Variants in RCC2 observed in about 807,000 individuals in gnomAD.
RCC2 encodes protein RCC2.
A neutral mutation model predicts 64.1 loss-of-function variants in RCC2; 19 were observed. That is an observed-to-expected ratio of 0.30 (90% CI 0.21 to 0.44). The LOEUF (loss-of-function observed/expected upper bound fraction) is 0.44. RCC2 is among the 20% of genes least tolerant of loss of function. The probability of loss-of-function intolerance (pLI) is 1.00; values close to 1 mark genes in which losing one functional copy is unlikely to be tolerated. For synonymous variants in RCC2, 325 were observed against 279.6 expected (o/e 1.16, Z -1.62); for missense variants, 508 against 710.4 (o/e 0.72, Z 3.24).
chr1:17,433,890 C>A (rs1482973872), intron 2 of RCC2, among the ~76,000 whole-genome samples: 1 of 152,174 alleles, frequency 6.6e-6, no homozygotes, highest in Non-Finnish European at 1.5e-5. Context: ...TAAGGGCCAT[C>A]AACTGAAACA....
chr1:17,430,488 C>CAA (rs370012940), intron 2 of RCC2, among the ~76,000 whole-genome samples: 4,056 of 128,632 alleles, frequency 0.032, 183 homozygotes, highest in African/African-American at 0.1. Flanking sequence ...GGCCTTGTCT[C>CAA]AAAAAAAAAA....
intron 2 of RCC2, among the ~76,000 whole-genome samples, chr1:17,430,583 C>T (rs2075665260): frequency 6.6e-6 from 1 of 151,854 alleles, no homozygotes; most frequent in South Asian, 2.1e-4. Flanking sequence ...GTCAGGAGTT[C>T]AAGACCAGCC....
At chr1:17,412,278 G>T in intron 10 of RCC2, 84 bp from the exon 11 acceptor site, 2 of 1,280,370 alleles carry the variant, frequency 1.6e-6, no homozygotes, top group Admixed American at 2.1e-5. Flanking sequence ...ATGAGTGTGA[G>T]CTGCCACTTT....
Position 17,438,501 on chromosome 1 carries a change from T to G in RCC2, c.14A>C (p.Lys5Thr), listed in dbSNP as rs1356433737. The G allele has an allele frequency of 1.7e-5, 23 of 1,345,822 alleles. No individual in the cohort carries two copies. The highest frequency in any genetic ancestry group is 6.0e-5 in the Admixed American group (2 of 33,310). The allele number at this position is 1,345,822 out of a possible 1,614,324, so 83.4% of individuals were successfully genotyped here. Residue 5 changes from lysine (K) to threonine (T), a missense_variant, in exon 2 of 13, where the codon AAG becomes ACG. By Grantham distance (78) the Lys-to-Thr change is moderately conservative (BLOSUM62 -1). Coordinates refer to ENST00000375436, the MANE Select transcript of RCC2 (RefSeq NM_018715.4). MPRK[K>T]AAAAAWEEPS... The stretch of plus-strand genomic sequence containing the variant: ...CTCCTCCCAGGCCGCCGCCGCCGCC[T>G]TCTTCCTGGGCATGGTCGCGGCTGG...
Position 17,417,808 on chromosome 1 carries a change from A to G in RCC2, c.860-1162T>C, listed in dbSNP as rs529852188. Among the ~76,000 whole-genome samples the G allele has an allele frequency of 2.0e-5, 3 of 152,278 alleles. No homozygotes were observed. In the East Asian group the frequency reaches 5.8e-4, roughly 29 times the overall value. The stretch of plus-strand genomic sequence containing the variant: ...GCCCTTATTGGTATGTGTGTTTTTG[A>G]GCACTGTGCTATTTAAATACAGTCA... On this transcript the variant is annotated intron_variant, in intron 7 of 12. Coordinates refer to ENST00000375436, the MANE Select transcript of RCC2 (RefSeq NM_018715.4).
chr1:17,416,388 TC>T, intron 8 of RCC2, 91 bp downstream of exon 8: 1 of 1,412,172 alleles, frequency 7.1e-7, no homozygotes, highest in Non-Finnish European at 9.7e-7. Flanking sequence ...TGGGATCAGT[TC>T]CTAGCCAAAG....
Position 17,428,416 on chromosome 1 carries a change from C to T in RCC2, c.379+690G>A, listed in dbSNP as rs1014786817. On this transcript the variant is annotated intron_variant, in intron 3 of 12. Coordinates refer to ENST00000375436, the MANE Select transcript of RCC2 (RefSeq NM_018715.4). ...TTTCATGGAACAAGGTGATTTCCAA[C>T]GCCCCTGTTTTAAGGTGCCAAGACG... is the stretch of plus-strand genomic sequence containing the variant. 2.1e-5 allele frequency among the ~76,000 whole-genome samples: 3 copies of T among 141,540 alleles called. No homozygotes were observed. In the East Asian group the frequency reaches 6.9e-4, roughly 32 times the overall value. 92.9% of individuals were successfully genotyped at this position (141,540 alleles called of 152,430 possible).
In RCC2 at chr1:17,407,445, G is replaced by A. The variant is rs1203320075; in HGVS notation, c.*1645C>T. The stretch of plus-strand genomic sequence containing the variant: ...AATTAGGTTAGTTTAGCAAAGCTCT[G>A]AAGTAGCAGAAGCTTCTCCCCTGGA... On this transcript the variant is annotated 3_prime_UTR_variant, in exon 13 of 13. Coordinates refer to ENST00000375436, the MANE Select transcript of RCC2 (RefSeq NM_018715.4). 2.0e-5 allele frequency: 3 copies of A among 152,234 alleles called. No individual in the cohort carries two copies. The highest frequency in any genetic ancestry group is 2.9e-5 in the Non-Finnish European group (2 of 68,040). The allele number at this position is 152,234 out of a possible 1,614,324, so 9.4% of individuals were successfully genotyped here.
At chr1:17,429,859 G>A (rs1315455750) in intron 2 of RCC2, among the ~76,000 whole-genome samples, 6 of 152,060 alleles carry the variant, frequency 3.9e-5, no homozygotes, top group East Asian at 1.9e-4. Flanking sequence ...CCAGGGGCCC[G>A]GCTCTCAAGG....
At chr1:17,437,273 C>A (rs1425189072) in intron 2 of RCC2, among the ~76,000 whole-genome samples, 2 of 152,194 alleles carry the variant, frequency 1.3e-5, no homozygotes, top group African/African-American at 4.8e-5. Context: ...AAAACCTCTC[C>A]GGGTGTCAGG....
chr1:17,417,025 G>T (rs1373639872), intron 7 of RCC2, among the ~76,000 whole-genome samples: 1 of 152,178 alleles, frequency 6.6e-6, no homozygotes, highest in Non-Finnish European at 1.5e-5. Context: ...TGAAGCTGCT[G>T]ATCAAGGAAT....
intron 5 of RCC2, 105 bp downstream of exon 5, chr1:17,422,600 A>C: frequency 6.9e-7 from 1 of 1,445,576 alleles, no homozygotes; most frequent in Non-Finnish European, 9.4e-7. Context: ...TCTGATCCTG[A>C]CCAAGAGTCA....
At position 17,426,759 on chromosome 1, in the gene RCC2, CTTTTTTTTT is replaced by C. The variant is rs146347066; in HGVS notation, c.380-1084_380-1076del. Among the ~76,000 whole-genome samples the C allele has an allele frequency of 2.5e-4, 28 of 110,030 alleles. 1 individual carries two copies. The highest frequency in any genetic ancestry group is 8.4e-4 in the African/African-American group (24 of 28,432). 72.2% of individuals were successfully genotyped at this position (110,030 alleles called of 152,430 possible). A position where few individuals can be genotyped will look rare whatever the true frequency, so the allele number is the denominator to read the frequency against. ...GGGGCAGGGCCAATTTCTTACTTTT[CTTTTTTTTT>C]TTTTTTTTTTTTTTTTGAGACAGTT... On this transcript the variant is annotated intron_variant, in intron 3 of 12. Coordinates refer to ENST00000375436, the MANE Select transcript of RCC2 (RefSeq NM_018715.4).
At chr1:17,425,821 T>G (rs922534570) in intron 3 of RCC2, 137 bp from the exon 4 acceptor site, 17 of 845,336 alleles carry the variant, frequency 2.0e-5, no homozygotes, top group Non-Finnish European at 3.0e-5. Context: ...CCTTGGCTGT[T>G]GGGAGGCTGC....
rs201744618 is a variant in RCC2 at position 17,421,179 on chromosome 1, A to ACCC, written c.745-354_745-352dup. Among the ~76,000 whole-genome samples, 1,483 of 150,600 alleles carry ACCC rather than the reference A, an allele frequency of 9.8e-3. 10 individuals are homozygous for ACCC. Among genetic ancestry groups the ACCC allele is most frequent in the Non-Finnish European group, 0.015 (1,037 of 67,738 alleles). On this transcript the variant is annotated intron_variant, in intron 6 of 12. Transcript: ENST00000375436. ...AGTTTGTTTTTAAGGTATAAATCTC[A>ACCC]CCCCTCCAACTCAAGTTTCTTAGAA...
chr1:17,430,103 C>A (rs993133953), intron 2 of RCC2, among the ~76,000 whole-genome samples: 1 of 152,248 alleles, frequency 6.6e-6, no homozygotes, highest in Admixed American at 6.5e-5. Context: ...ACTCCTCACT[C>A]AGTCCACACT....
In RCC2 at chr1:17,422,843, A is replaced by T. The variant is rs763202997; in HGVS notation, c.524-7T>A. On this transcript the variant is annotated splice_polypyrimidine_tract_variant and splice_region_variant and intron_variant, in intron 4 of 12. Transcript: ENST00000375436. ...TGCCCCTTCTCATTTCGACCTGCAG[A>T]TCACATGAGAGAAAGTAGAAAAGAG... 24 of 1,613,828 alleles carry T rather than the reference A, an allele frequency of 1.5e-5. No individual in the cohort carries two copies. The highest frequency in any genetic ancestry group is 1.8e-5 in the Non-Finnish European group (21 of 1,180,036).
Position 17,430,111 on chromosome 1 carries a change from A to G in RCC2, c.286-912T>C, listed in dbSNP as rs1371392550. On this transcript the variant is annotated intron_variant, in intron 2 of 12. Transcript: ENST00000375436. Reference sequence around the variant, plus strand: ...ATTCTGAACTCCTCACTCAGTCCACACTGGCAAGGGAAGCATTCACTGCTA... The same window carrying G: ...ATTCTGAACTCCTCACTCAGTCCACGCTGGCAAGGGAAGCATTCACTGCTA... Among the ~76,000 whole-genome samples, 3 of 152,250 alleles carry G rather than the reference A, an allele frequency of 2.0e-5. No individual in the cohort carries two copies. The East Asian group carries it at 5.8e-4, about 29-fold the overall frequency.
chr1:17,431,359 A>AAAAATAT (rs1553158471), intron 2 of RCC2, among the ~76,000 whole-genome samples: 15 of 44,928 alleles, frequency 3.3e-4, no homozygotes, highest in Non-Finnish European at 5.0e-4. Flanking sequence ...AAAAAAAAAA[A>AAAAATAT]ATATATATAT....
Sources: allele counts gnomAD v4.1 joint callset (sites outside exome capture counted in the v4.1 genomes callset), GRCh38; gene constraint gnomAD v4.1.1; transcripts MANE v1.5; gene names NCBI Gene and HGNC (gene_info 2026-07-23, HGNC 2026-07-21).